The following GBP6 variants were observed in gnomAD, a reference collection of about 807,000 sequenced individuals.
GBP6 encodes guanylate binding protein family member 6.
A neutral mutation model predicts 61.5 loss-of-function variants in GBP6; 54 were observed. That is an observed-to-expected ratio of 0.88 (90% confidence interval 0.71 to 1.10). The LOEUF (loss-of-function observed/expected upper bound fraction) is 1.10. Among genes scored for constraint, GBP6 ranks in the 50% least tolerant of loss-of-function variants. The probability of loss-of-function intolerance (pLI) is 0.00; values close to 1 mark genes in which losing one functional copy is unlikely to be tolerated. For synonymous variants in GBP6, 255 were observed against 273.7 expected (o/e 0.93, Z 0.67); for missense variants, 748 against 752.8 (o/e 0.99, Z 0.07).
Position 89,384,300 on chromosome 1 carries a change from T to A in GBP6, c.1662+14T>A. ...CACACGCAGAAGGTAAGTCTGCCCT[T>A]GGCCTCAGCAGGCCAGACGGTCCTC... On this transcript the variant is annotated intron_variant, in intron 10 of 10. Transcript: ENST00000370456. 6.3e-7 allele frequency: 1 copy of A among 1,598,402 alleles called. No homozygotes were observed. Among genetic ancestry groups the A allele is most frequent in the Non-Finnish European group, 8.5e-7 (1 of 1,172,358 alleles).
chr1:89,365,619 C>A (rs1381972491), intron 1 of GBP6, among the ~76,000 whole-genome samples: 2 of 152,180 alleles, frequency 1.3e-5, no homozygotes, highest in Non-Finnish European at 2.9e-5. Context: ...ATCTAATGGA[C>A]CAATTGTTAT....
Position 89,381,892 on chromosome 1 carries a change from C to T in GBP6, c.1070C>T (p.Ala357Val), listed in dbSNP as rs746903552. ...DTLQELLDMH[A>V]ACEREAIAIF... ...CTCCAGGAGCTGCTGGACATGCATG[C>T]GGCCTGTGAGAGGGAAGCCATTGCA... The change falls in exon 7 of 11, where the codon GCG becomes GTG. Residue 357 changes from alanine (A) to valine (V), a missense_variant. By Grantham distance (64) the Ala-to-Val change is moderately conservative. Coordinates refer to ENST00000370456, the MANE Select transcript of GBP6 (RefSeq NM_198460.3). 9.9e-6 allele frequency: 16 copies of T among 1,613,912 alleles called. No individual in the cohort carries two copies. The East Asian group carries it at 1.3e-4, about 13-fold the overall frequency.
At chr1:89,385,154 G>C (rs1557544570) in intron 10 of GBP6, 76 bp from the exon 11 acceptor site, 1 of 1,349,594 alleles carries the variant, frequency 7.4e-7, no homozygotes, top group Non-Finnish European at 1.0e-6. Context: ...TTTCACACAG[G>C]TTTTAAATAC....
At chr1:89,384,553 C>T (rs1408780301) in intron 10 of GBP6, among the ~76,000 whole-genome samples, 1 of 152,136 alleles carries the variant, frequency 6.6e-6, no homozygotes, top group East Asian at 1.9e-4. Context: ...GTCGAAGCTG[C>T]TGTTTTGGGA....
chr1:89,384,602 C>T (rs1430172343), intron 10 of GBP6, among the ~76,000 whole-genome samples: 1 of 152,140 alleles, frequency 6.6e-6, no homozygotes, highest in Non-Finnish European at 1.5e-5. Context: ...ACATATGTTC[C>T]ACACAGTGTA....
chr1:89,378,782 A>G (rs1652879496), intron 5 of GBP6, among the ~76,000 whole-genome samples, 169 bp downstream of exon 5: 1 of 152,210 alleles, frequency 6.6e-6, no homozygotes, highest in South Asian at 2.1e-4. Flanking sequence ...AGTTCACTTA[A>G]GAAAAGTAGA....
chr1:89,385,311 A>G lies in GBP6; in HGVS notation c.1744A>G (p.Ile582Val). 6.2e-7 allele frequency: 1 copy of G among 1,614,126 alleles called. No homozygotes were observed. The highest frequency in any genetic ancestry group is 8.5e-7 in the Non-Finnish European group (1 of 1,179,950). The change falls in exon 11 of 11, where the codon ATT becomes GTT. Residue 582 changes from isoleucine to valine, a missense_variant. Transcript: ENST00000370456. ...AGAGATAAGTCAATTTAAACGTATG[A>G]TTGATACTACAAAAAATGATGATAC... ...NAEISQFKRM[I>V]DTTKNDDTPW... is the part of the protein sequence containing the mutation.
chr1:89,378,548 T>G lies in GBP6; in HGVS notation c.560T>G (p.Leu187Arg). ...ACAGTACGGGATTTCACTCTGGAGC[T>G]GAAGTTGAACGGTCACCCTATCACA... ...LWTVRDFTLE[L>R]KLNGHPITED... Residue 187 changes from leucine (L) to arginine (R), a missense_variant, in exon 5 of 11, where the codon CTG becomes CGG. Physicochemically the swap from Leu to Arg is moderately radical, Grantham distance 102. Transcript: ENST00000370456. 6.2e-7 allele frequency: 1 copy of G among 1,614,066 alleles called. No individual in the cohort carries two copies. Among genetic ancestry groups the G allele is most frequent in the East Asian group, 2.2e-5 (1 of 44,872 alleles).
chr1:89,365,753 G>T (rs1652452104), intron 1 of GBP6, among the ~76,000 whole-genome samples: 1 of 152,124 alleles, frequency 6.6e-6, no homozygotes, highest in Non-Finnish European at 1.5e-5. Flanking sequence ...CTCCAGGTTG[G>T]ATGTATGATT....
At chr1:89,373,648 C>T (rs1258164489) in intron 3 of GBP6, among the ~76,000 whole-genome samples, 3 of 152,034 alleles carry the variant, frequency 2.0e-5, no homozygotes, top group Non-Finnish European at 4.4e-5. Flanking sequence ...GGGAACATCA[C>T]ACACCAGGGC....
chr1:89,366,123 G>A (rs1010405333), intron 1 of GBP6, among the ~76,000 whole-genome samples: 3 of 152,048 alleles, frequency 2.0e-5, no homozygotes, highest in Admixed American at 6.5e-5. Flanking sequence ...TCACCCAAAA[G>A]TGACATTGAC....
chr1:89,384,284 A>T lies in GBP6; in HGVS notation c.1660A>T (p.Lys554Ter). The change falls in exon 10 of 11, where the codon AAG (lysine) becomes TAG (stop). Residue 554 changes from lysine (K) to a stop codon, truncating the protein, a stop_gained and splice_region_variant. Coordinates refer to ENST00000370456, the MANE Select transcript of GBP6 (RefSeq NM_198460.3). LOFTEE classifies it low-confidence loss of function (END_TRUNC). ...EQIMMLEHTQ[K>*]VQNDWLHEGF... is the part of the protein sequence containing the mutation. Reference sequence around the variant, plus strand: ...GATTATGATGTTGGAGCACACGCAGAAGGTAAGTCTGCCCTTGGCCTCAGC... The same window carrying T: ...GATTATGATGTTGGAGCACACGCAGTAGGTAAGTCTGCCCTTGGCCTCAGC... 1 of 1,608,832 alleles carries T rather than the reference A, an allele frequency of 6.2e-7. No individual in the cohort carries two copies. Among genetic ancestry groups the T allele is most frequent in the South Asian group, 1.1e-5 (1 of 90,264 alleles).
Position 89,378,066 on chromosome 1 carries a change from T to C in GBP6, c.319-37T>C, listed in dbSNP as rs376591117. 3.8e-6 allele frequency: 6 copies of C among 1,565,768 alleles called. No homozygotes were observed. The African/African-American group carries it at 5.5e-5, about 14-fold the overall frequency. On this transcript the variant is annotated intron_variant, in intron 3 of 10. Coordinates refer to ENST00000370456, the MANE Select transcript of GBP6 (RefSeq NM_198460.3). ...AATGTCTCAGTGAATTTCTAAAGAC[T>C]ACACTCCTAAGTCCTTTGCTCTAAT...
rs899976810 is a variant in GBP6, at chr1:89,385,157, T to C, written c.1663-73T>C. 8.0e-6 allele frequency: 11 copies of C among 1,381,816 alleles called. No homozygotes were observed. The African/African-American group carries it at 1.6e-4, about 20-fold the overall frequency. 85.6% of individuals were successfully genotyped at this position (1,381,816 alleles called of 1,614,324 possible). On this transcript the variant is annotated intron_variant, in intron 10 of 10. Transcript: ENST00000370456. ...AGTAAAATAAAGTTTCACACAGGTT[T>C]TAAATACAAAATGTAAGTCTTAAAA...
At position 89,381,715 on chromosome 1, in the gene GBP6, C is replaced by T. The variant is rs1652983324; in HGVS notation, c.893C>T (p.Thr298Ile). 1 of 1,612,108 alleles carries T rather than the reference C, an allele frequency of 6.2e-7. No individual in the cohort carries two copies. Among genetic ancestry groups the T allele is most frequent in the African/African-American group, 1.3e-5 (1 of 74,860 alleles). The change falls in exon 7 of 11, where the codon ACT becomes ATT. Residue 298 changes from threonine (T) to isoleucine (I), a missense_variant. Physicochemically the swap from Thr to Ile is moderately conservative, Grantham distance 89 (BLOSUM62 -1). Transcript: ENST00000370456. ...TGNRLGTLAV[T>I]YVEAINSGAV... ...TTAGGTCTGGGAACTCTGGCAGTGA[C>T]TTATGTAGAGGCCATCAACAGTGGA...
intron 9 of GBP6, 146 bp downstream of exon 9, chr1:89,383,900 T>G (rs1653058702): frequency 3.6e-6 from 3 of 823,866 alleles, no homozygotes; most frequent in Non-Finnish European, 5.7e-6. Flanking sequence ...CAAGGGGAGC[T>G]ATGATTGTAC....
rs1653183122 is a variant in GBP6, at chr1:89,387,910, G to A, written c.*2441G>A. 6.6e-6 allele frequency among the ~76,000 whole-genome samples: 1 copy of A among 152,204 alleles called. No individual in the cohort carries two copies. Among genetic ancestry groups the A allele is most frequent in the Non-Finnish European group, 1.5e-5 (1 of 68,038 alleles). On this transcript the variant is annotated 3_prime_UTR_variant, in exon 11 of 11. Transcript: ENST00000370456. The stretch of plus-strand genomic sequence containing the variant: ...ATTGTGCCATTGCACTCCAGCCCGG[G>A]CAACAGAGCCTGGGCGACAGAGTGA...
In GBP6 at chr1:89,369,542, G is replaced by T; in HGVS notation, c.191-4G>T. On this transcript the variant is annotated splice_region_variant and splice_polypyrimidine_tract_variant and intron_variant, in intron 2 of 10. Coordinates refer to ENST00000370456, the MANE Select transcript of GBP6 (RefSeq NM_198460.3). ...TGTGCTTAGCTTCCTCCTCTTCCCT[G>T]CAGGCTTCCCTCTGGGCTCCACGGT... 4 of 1,612,488 alleles carry T rather than the reference G, an allele frequency of 2.5e-6. No individual in the cohort carries two copies. Among genetic ancestry groups the T allele is most frequent in the Admixed American group, 1.7e-5 (1 of 59,900 alleles).
chr1:89,380,190 G>A (rs1652925368), intron 5 of GBP6, among the ~76,000 whole-genome samples, 196 bp from the exon 6 acceptor site: 1 of 152,132 alleles, frequency 6.6e-6, no homozygotes, highest in African/African-American at 2.4e-5. Flanking sequence ...GTCTTCAGAG[G>A]ATTTTACTAA....
Sources: gnomAD v4.1 joint callset for allele counts (sites outside exome capture counted in the v4.1 genomes callset) on GRCh38, gnomAD v4.1.1 for gene constraint, MANE v1.5 for transcripts, NCBI Gene and HGNC (gene_info 2026-07-23, HGNC 2026-07-21) for gene names.